KDM4C: variants seen among roughly 807,000 people sequenced by gnomAD.
The protein encoded by KDM4C is lysine demethylase 4C.
In KDM4C, 81 loss-of-function variants were observed where a neutral mutation model predicts 129.3. The ratio of observed to expected loss-of-function variants is 0.63; its 90% CI spans 0.52 to 0.75. The LOEUF (loss-of-function observed/expected upper bound fraction) is 0.75, where lower values mean the gene tolerates loss of function less well. Ranked by LOEUF, KDM4C falls within the 30% of genes least tolerant of loss-of-function variation. The pLI is 0.00. For missense variants in KDM4C, 1,457 were observed against 1,304.0 expected, an observed-to-expected ratio of 1.12 and a Z score of -1.81; for synonymous variants, 573 against 456.1, an observed-to-expected ratio of 1.26 and a Z score of -3.26.
At chr9:7,116,265 C>T (rs570518910) in intron 18 of KDM4C, among the ~76,000 whole-genome samples, 1 of 152,278 alleles carries the variant, frequency 6.6e-6, no homozygotes, top group African/African-American at 2.4e-5. Flanking sequence ...CACCTTTCCC[C>T]ATACATTTCT....
chr9:6,772,779 G>C (rs1055445422), intron 1 of KDM4C, among the ~76,000 whole-genome samples: 3 of 141,278 alleles, frequency 2.1e-5, no homozygotes, highest in African/African-American at 8.0e-5. Context: ...TGCAGCCTCT[G>C]CCCCCCGGAT....
At chr9:7,156,712 A>G (rs1191671550) in intron 19 of KDM4C, among the ~76,000 whole-genome samples, 1 of 152,092 alleles carries the variant, frequency 6.6e-6, no homozygotes, top group African/African-American at 2.4e-5. Context: ...ATTGGTCTAT[A>G]TCTCTGTTTT....
At chr9:7,158,757 C>A (rs1397230770) in intron 19 of KDM4C, among the ~76,000 whole-genome samples, 20 of 152,160 alleles carry the variant, frequency 1.3e-4, no homozygotes. Flanking sequence ...TGCTTTACTT[C>A]CAACTATGTG....
intron 8 of KDM4C, among the ~76,000 whole-genome samples, chr9:6,903,701 G>A (rs867035333): frequency 2.0e-5 from 3 of 152,070 alleles, no homozygotes; most frequent in Non-Finnish European, 2.9e-5. Context: ...TTACAGAAAA[G>A]CATTGGAAAG....
At chr9:6,762,429 C>A (rs1158083655) in intron 1 of KDM4C, among the ~76,000 whole-genome samples, 2 of 152,002 alleles carry the variant, frequency 1.3e-5, no homozygotes. Flanking sequence ...GACTTGGCCT[C>A]CCACAGTTCT....
In KDM4C at chr9:7,159,777, T is replaced by A. The variant is rs185416269; in HGVS notation, c.2782-5461T>A. 4.8e-3 allele frequency among the ~76,000 whole-genome samples: 732 copies of A among 152,314 alleles called. 4 individuals carry two copies. Among genetic ancestry groups the A allele is most frequent in the Non-Finnish European group, 8.0e-3 (544 of 68,032 alleles). On this transcript the variant is annotated intron_variant, in intron 19 of 21. Coordinates refer to ENST00000381309, the MANE Select transcript of KDM4C (RefSeq NM_015061.6). ...CTGCCCTTAACACTTTTTCCTTCAT[T>A]TCAACCTTGGTGAATCTGCCAATTA...
intron 17 of KDM4C, among the ~76,000 whole-genome samples, chr9:7,092,647 T>C (rs943036160): frequency 2.0e-5 from 3 of 152,210 alleles, no homozygotes; most frequent in East Asian, 1.9e-4. Context: ...GGGCTTCTTA[T>C]TGATACATAG....
At chr9:7,017,559 C>G (rs1823912464) in intron 15 of KDM4C, among the ~76,000 whole-genome samples, 1 of 152,098 alleles carries the variant, frequency 6.6e-6, no homozygotes, top group Non-Finnish European at 1.5e-5. Flanking sequence ...TCTATGTCAA[C>G]TTTGTTGCCA....
intron 19 of KDM4C, among the ~76,000 whole-genome samples, chr9:7,135,586 ATGT>A (rs1841114749): frequency 6.7e-6 from 1 of 148,518 alleles, no homozygotes; most frequent in Non-Finnish European, 1.5e-5. Context: ...GTATCCAGTG[ATGT>A]TGTCCGTTCT....
intron 18 of KDM4C, among the ~76,000 whole-genome samples, chr9:7,107,360 C>T (rs1038902329): frequency 1.3e-5 from 2 of 152,216 alleles, no homozygotes; most frequent in African/African-American, 4.8e-5. Flanking sequence ...AGTCAGCTAC[C>T]TATACACTAT....
upstream of KDM4C, among the ~76,000 whole-genome samples, chr9:6,756,584 G>A (rs1332481228): frequency 6.6e-6 from 1 of 152,226 alleles, no homozygotes; most frequent in Non-Finnish European, 1.5e-5. Context: ...GGGCGTGGTG[G>A]CGGGCGACTG....
At chr9:7,031,317 C>T (rs1826715852) in intron 15 of KDM4C, among the ~76,000 whole-genome samples, 1 of 151,928 alleles carries the variant, frequency 6.6e-6, no homozygotes, top group Non-Finnish European at 1.5e-5. Context: ...TGCACACCCC[C>T]ATGCCCAGGT....
At chr9:6,820,268 A>C (rs1324754011) in intron 4 of KDM4C, among the ~76,000 whole-genome samples, 1 of 152,200 alleles carries the variant, frequency 6.6e-6, no homozygotes, top group African/African-American at 2.4e-5. Flanking sequence ...ACTAAGTTCC[A>C]GTGAAAGGAG....
At chr9:6,828,819 C>T (rs775265726) in intron 4 of KDM4C, among the ~76,000 whole-genome samples, 6 of 152,062 alleles carry the variant, frequency 3.9e-5, no homozygotes, top group African/African-American at 7.2e-5. Flanking sequence ...TGGCATGAGC[C>T]GAGATGGCGC....
intron 1 of KDM4C, among the ~76,000 whole-genome samples, chr9:6,741,278 C>T (rs1005683979): frequency 6.6e-6 from 1 of 151,724 alleles, no homozygotes; most frequent in African/African-American, 2.4e-5. Flanking sequence ...GCGTGTAGTC[C>T]CAGCTACTCA....
At chr9:6,779,202 G>C (rs1031364575) in intron 1 of KDM4C, among the ~76,000 whole-genome samples, 3 of 151,036 alleles carry the variant, frequency 2.0e-5, no homozygotes, top group African/African-American at 7.3e-5. Flanking sequence ...CAAATTCTTT[G>C]TATTTTTAGT....
chr9:7,083,728 T>A (rs1348618039), intron 17 of KDM4C, among the ~76,000 whole-genome samples: 1 of 151,610 alleles, frequency 6.6e-6, no homozygotes, highest in Non-Finnish European at 1.5e-5. Flanking sequence ...TGTGTGTGTG[T>A]GTGTGTGTGT....
At chr9:7,033,685 T>C (rs1289109597) in intron 15 of KDM4C, among the ~76,000 whole-genome samples, 1 of 152,164 alleles carries the variant, frequency 6.6e-6, no homozygotes, top group Non-Finnish European at 1.5e-5. Flanking sequence ...TGGAGAGAAA[T>C]AAAAAGAAGT....
Position 6,986,459 on chromosome 9 carries a change from G to A in KDM4C, c.1470G>A (p.Leu490=), listed in dbSNP as rs563370661. Residue 490 remains leucine (L), a synonymous_variant, in exon 11 of 22, where the codon TTG becomes TTA. Coordinates refer to ENST00000381309, the MANE Select transcript of KDM4C (RefSeq NM_015061.6). ...GTGAGGCTGATGATTCCATTCCATT[G>A]TCTAGTGGCTATGAGAAGCCCGAGA... ...ISSEADDSIP[L]SSGYEKPEKS... The A allele has an allele frequency of 1.9e-6, 3 of 1,614,108 alleles. No homozygotes were observed. In the African/African-American group the frequency reaches 4.0e-5, roughly 22 times the overall value.
Sources: gnomAD v4.1 joint callset for allele counts (sites outside exome capture counted in the v4.1 genomes callset) on GRCh38, gnomAD v4.1.1 for gene constraint, MANE v1.5 for transcripts, NCBI Gene and HGNC (gene_info 2026-07-23, HGNC 2026-07-21) for gene names.